Variants in KIAA1217 observed in about 807,000 individuals in gnomAD.
KIAA1217 encodes KIAA1217, also known as sickle tail protein homolog.
In KIAA1217, 88 loss-of-function variants were observed where a neutral mutation model predicts 163.9. The observed-to-expected ratio is 0.54, with a 90% CI of 0.45 to 0.64. KIAA1217 has a LOEUF of 0.64. KIAA1217 is among the 30% of genes least tolerant of loss of function. The pLI, the probability that KIAA1217 is intolerant of heterozygous loss-of-function variation, is 0.00. For missense variants in KIAA1217, 2,372 were observed against 2,475.0 expected (o/e 0.96, Z 0.88); for synonymous variants, 903 against 923.1 (o/e 0.98, Z 0.39).
intron 1 of KIAA1217, among the ~76,000 whole-genome samples, chr10:23,739,446 CTA>C (rs377400930): frequency 4.0e-3 from 607 of 152,232 alleles, no homozygotes; most frequent in African/African-American, 0.013. Context: ...GTGGAAGAAA[CTA>C]TGTTGCAAAA....
intron 1 of KIAA1217, among the ~76,000 whole-genome samples, chr10:23,909,173 A>C (rs1157677848): frequency 6.6e-6 from 1 of 152,120 alleles, no homozygotes; most frequent in Non-Finnish European, 1.5e-5. Flanking sequence ...AGGCATAAGA[A>C]TGACACAATG....
At chr10:24,030,789 T>C (rs1848156588) in intron 2 of KIAA1217, among the ~76,000 whole-genome samples, 1 of 152,220 alleles carries the variant, frequency 6.6e-6, no homozygotes, top group Admixed American at 6.5e-5. Context: ...GTGACTGCCT[T>C]TTTTCACATA....
chr10:24,117,836 C>T (rs2063120155), intron 2 of KIAA1217, among the ~76,000 whole-genome samples: 2 of 151,972 alleles, frequency 1.3e-5, no homozygotes, highest in African/African-American at 4.8e-5. Context: ...ATGTGCTTCG[C>T]TGAAAAGTGT....
chr10:23,699,940 A>G (rs1202968875), intron 1 of KIAA1217, among the ~76,000 whole-genome samples: 2 of 152,206 alleles, frequency 1.3e-5, no homozygotes, highest in Non-Finnish European at 2.9e-5. Flanking sequence ...TTGGCACACA[A>G]TGGACACTTG....
At chr10:23,830,534 C>T (rs1468522515) in intron 1 of KIAA1217, among the ~76,000 whole-genome samples, 1 of 152,034 alleles carries the variant, frequency 6.6e-6, no homozygotes, top group Non-Finnish European at 1.5e-5. Flanking sequence ...TAGCTCCTAG[C>T]TTCAGTAGTT....
intron 2 of KIAA1217, among the ~76,000 whole-genome samples, chr10:24,093,800 CT>C (rs2062034839): frequency 9.3e-6 from 1 of 108,012 alleles, no homozygotes; most frequent in Non-Finnish European, 1.8e-5. Flanking sequence ...TCCCTCCCCC[CT>C]CCCCCCACCC....
chr10:24,487,493 A>G (rs1564779771), intron 6 of KIAA1217, among the ~76,000 whole-genome samples: 4 of 152,250 alleles, frequency 2.6e-5, no homozygotes, highest in Admixed American at 1.3e-4. Flanking sequence ...GTGAAGAACT[A>G]TTTATTAGAG....
chr10:23,791,058 C>T (rs1835923203), intron 1 of KIAA1217, among the ~76,000 whole-genome samples: 1 of 151,952 alleles, frequency 6.6e-6, no homozygotes, highest in South Asian at 2.1e-4. Context: ...TTAAAGAATA[C>T]GTGGTTTTCC....
chr10:24,470,226 G>C (rs1359151599), intron 5 of KIAA1217, among the ~76,000 whole-genome samples: 1 of 152,174 alleles, frequency 6.6e-6, no homozygotes, highest in Non-Finnish European at 1.5e-5. Flanking sequence ...GAATTGTGAA[G>C]GCAGAGTGAG....
At chr10:23,855,821 G>T (rs527604471) in intron 1 of KIAA1217, among the ~76,000 whole-genome samples, 1 of 152,252 alleles carries the variant, frequency 6.6e-6, no homozygotes, top group Admixed American at 6.5e-5. Context: ...TGAGGCTTCT[G>T]CATTCTTCAT....
rs114403676 is a variant in KIAA1217, at chr10:24,097,955, C to T, written c.-171+90581C>T. Among the ~76,000 whole-genome samples, 994 of 152,134 alleles carry T rather than the reference C, an allele frequency of 6.5e-3. 12 individuals are homozygous for T. Among genetic ancestry groups the T allele is most frequent in the African/African-American group, 0.023 (952 of 41,508 alleles). On this transcript the variant is annotated intron_variant, in intron 2 of 18. Coordinates refer to the KIAA1217 transcript ENST00000376462. ...TAGGGAAACTGCCTGGAACTACAGG[C>T]CACGGATCTCTGTGTTCCAGGGGCA...
intron 1 of KIAA1217, among the ~76,000 whole-genome samples, chr10:23,994,483 T>C (rs1211581272): frequency 6.6e-6 from 1 of 152,224 alleles, no homozygotes; most frequent in Non-Finnish European, 1.5e-5. Context: ...CAGTTGCCCT[T>C]TCTTTCTACT....
At chr10:23,908,185 T>G (rs1173438914) in intron 1 of KIAA1217, among the ~76,000 whole-genome samples, 3 of 152,116 alleles carry the variant, frequency 2.0e-5, no homozygotes, top group African/African-American at 7.2e-5. Context: ...GCAATGGCAA[T>G]GACACAAGTA....
intron 1 of KIAA1217, among the ~76,000 whole-genome samples, chr10:23,875,264 G>A (rs1409396466): frequency 3.9e-5 from 6 of 152,022 alleles, no homozygotes; most frequent in African/African-American, 1.4e-4. Flanking sequence ...ACTGTTCTAA[G>A]ATCCCTCTTT....
chr10:24,319,111 C>G (rs1280079348), intron 2 of KIAA1217, among the ~76,000 whole-genome samples: 1 of 152,146 alleles, frequency 6.6e-6, no homozygotes, highest in Non-Finnish European at 1.5e-5. Context: ...GGCGTGGTGG[C>G]TCACGCCTGT....
At chr10:24,447,201 A>C (rs1592016712) in intron 5 of KIAA1217, among the ~76,000 whole-genome samples, 1 of 147,474 alleles carries the variant, frequency 6.8e-6, no homozygotes, top group Non-Finnish European at 1.5e-5. Context: ...TCCTTTCACC[A>C]TTTTATTCTT....
chr10:23,934,572 T>C (rs866936383), intron 1 of KIAA1217, among the ~76,000 whole-genome samples: 842 of 83,838 alleles, frequency 0.01, 108 homozygotes, highest in African/African-American at 0.063. Flanking sequence ...TATATATATA[T>C]ATATATATAT....
At chr10:24,141,897 T>C (rs1678526482) in intron 2 of KIAA1217, among the ~76,000 whole-genome samples, 1 of 152,048 alleles carries the variant, frequency 6.6e-6, no homozygotes, top group Non-Finnish European at 1.5e-5. Flanking sequence ...ATGTGTTTTG[T>C]GTTCTAAATT....
Position 23,921,192 on chromosome 10 carries a change from G to A in KIAA1217, c.-320-86033G>A, listed in dbSNP as rs533429235. 2.6e-5 allele frequency among the ~76,000 whole-genome samples: 4 copies of A among 152,226 alleles called. No individual in the cohort carries two copies. In the South Asian group the frequency reaches 8.3e-4, roughly 32 times the overall value. On this transcript the variant is annotated intron_variant, in intron 1 of 18. Coordinates refer to the KIAA1217 transcript ENST00000376462. ...TTTATATAGAACCATTTCAACAACT[G>A]GCAAATTTGTCTCTGGTGAAGTGCA...
Sources: gnomAD v4.1 joint callset for allele counts (sites outside exome capture counted in the v4.1 genomes callset) on GRCh38, gnomAD v4.1.1 for gene constraint, MANE v1.5 for transcripts, NCBI Gene and HGNC (gene_info 2026-07-23, HGNC 2026-07-21) for gene names.